The following GPR149 variants were observed in gnomAD, a reference collection of about 807,000 sequenced individuals.
GPR149 encodes the protein G protein-coupled receptor 149, also known as probable G protein-coupled receptor 149.
In GPR149, 50 loss-of-function variants were observed where a neutral mutation model predicts 50.2. The observed-to-expected ratio is 1.00, with a 90% confidence interval of 0.79 to 1.26. The LOEUF (loss-of-function observed/expected upper bound fraction) is 1.26. Among genes scored for constraint, GPR149 ranks in the 50% most tolerant of loss-of-function variants. The pLI, the probability that GPR149 is intolerant of heterozygous loss-of-function variation, is 0.00. For synonymous variants in GPR149, 405 were observed against 358.2 expected (o/e 1.13, Z -1.48); for missense variants, 983 against 895.4 (o/e 1.10, Z -1.25).
At chr3:154,369,276 C>T (rs1714607415) in intron 3 of GPR149, among the ~76,000 whole-genome samples, 1 of 152,198 alleles carries the variant, frequency 6.6e-6, no homozygotes, top group Admixed American at 6.5e-5. Flanking sequence ...TGCCTTGCCA[C>T]AGTATTCCTT....
At chr3:154,411,173 C>T (rs1306181638) in intron 3 of GPR149, among the ~76,000 whole-genome samples, 1 of 152,016 alleles carries the variant, frequency 6.6e-6, no homozygotes, top group Non-Finnish European at 1.5e-5. Context: ...CTATCAAAAC[C>T]TCTGGGATAC....
intron 3 of GPR149, among the ~76,000 whole-genome samples, chr3:154,347,216 C>A (rs1713951040): frequency 6.6e-6 from 1 of 152,152 alleles, no homozygotes; most frequent in South Asian, 2.1e-4. Context: ...GGTTCCCATG[C>A]TGCTAATAAA....
chr3:154,337,599 G>A lies in GPR149; in HGVS notation c.*100C>T, dbSNP rs576214514. On this transcript the variant is annotated 3_prime_UTR_variant, in exon 4 of 4. Coordinates refer to ENST00000389740, the MANE Select transcript of GPR149 (RefSeq NM_001038705.3). ...TAACTATTAAATCAGTAAAACTAATGTAAGCCAACAAATAAAAGGAAATCA... is the reference window on the plus strand; with the variant it reads ...TAACTATTAAATCAGTAAAACTAATATAAGCCAACAAATAAAAGGAAATCA... 2.3e-5 allele frequency: 23 copies of A among 981,870 alleles called. No individual in the cohort carries two copies. In the Admixed American group the frequency reaches 5.2e-4, roughly 22 times the overall value. The allele number at this position is 981,870 out of a possible 1,614,324, so 60.8% of individuals were successfully genotyped here.
intron 3 of GPR149, among the ~76,000 whole-genome samples, chr3:154,340,139 G>A (rs1041990518): frequency 1.3e-5 from 2 of 152,110 alleles, no homozygotes; most frequent in Admixed American, 6.6e-5. Flanking sequence ...TACAGTCTGG[G>A]CTGTGTGAGA....
In GPR149 at chr3:154,428,718, T is replaced by A; in HGVS notation, c.898A>T (p.Arg300Trp). 6.2e-7 allele frequency: 1 copy of A among 1,614,154 alleles called. No homozygotes were observed. Among genetic ancestry groups the A allele is most frequent in the Non-Finnish European group, 8.5e-7 (1 of 1,180,036 alleles). The part of the protein sequence containing the change: ...RENRGTLYGT[R>W]SFTVSVAQKR... The stretch of plus-strand genomic sequence containing the variant: ...TGCGCTACGCTCACGGTGAAGCTCC[T>A]GGTGCCATAGAGAGTCCCCCGGTTC... Residue 300 changes from arginine to tryptophan, a missense_variant, in exon 1 of 4, where the codon AGG becomes TGG. By Grantham distance (101) the Arg-to-Trp change is moderately radical. Coordinates refer to ENST00000389740, the MANE Select transcript of GPR149 (RefSeq NM_001038705.3).
rs560059695 is a variant in GPR149 at position 154,428,688 on chromosome 3, G to T, written c.928C>A (p.Arg310Ser). The T allele has an allele frequency of 1.5e-5, 24 of 1,613,938 alleles. No homozygotes were observed. Among genetic ancestry groups the T allele is most frequent in the Admixed American group, 3.3e-5 (2 of 59,970 alleles). Residue 310 changes from arginine to serine, a missense_variant, in exon 1 of 4, where the codon CGC becomes AGC. By Grantham distance (110) the Arg-to-Ser change is moderately radical. Transcript: ENST00000389740. ...RSFTVSVAQK[R>S]FALILALTKV... ...GTAAGCGCTAGGATCAAAGCGAAGCGCTTCTGCGCTACGCTCACGGTGAAG... is the reference window on the plus strand; with the variant it reads ...GTAAGCGCTAGGATCAAAGCGAAGCTCTTCTGCGCTACGCTCACGGTGAAG...
At chr3:154,412,675 A>G (rs1392340594) in intron 3 of GPR149, among the ~76,000 whole-genome samples, 1 of 152,164 alleles carries the variant, frequency 6.6e-6, no homozygotes, top group Non-Finnish European at 1.5e-5. Flanking sequence ...ATGGAAGCAC[A>G]TCCCATGCTC....
chr3:154,408,765 C>A (rs890811713), intron 3 of GPR149, among the ~76,000 whole-genome samples: 1 of 152,182 alleles, frequency 6.6e-6, no homozygotes, highest in African/African-American at 2.4e-5. Context: ...TAGTCGAAGG[C>A]AAAAGCAATA....
At chr3:154,362,316 A>G (rs1388316454) in intron 3 of GPR149, among the ~76,000 whole-genome samples, 1 of 149,422 alleles carries the variant, frequency 6.7e-6, no homozygotes, top group Non-Finnish European at 1.5e-5. Context: ...AAAATGACAG[A>G]GCTGTGATGT....
rs1414367487 is a variant in GPR149, at chr3:154,337,863, T to C, written c.2032A>G (p.Thr678Ala). 1.9e-6 allele frequency: 3 copies of C among 1,613,592 alleles called. No homozygotes were observed. The highest frequency in any genetic ancestry group is 2.5e-6 in the Non-Finnish European group (3 of 1,179,868). The stretch of plus-strand genomic sequence containing the variant: ...TTAATATCACCATCAGGATTACTGG[T>C]GGGCAAAAAGAGGGAGTATGAGGCT... ...ETASYSLFLPTSNPDGDINIS... is the reference protein window; with the variant it reads ...ETASYSLFLPASNPDGDINIS... The change falls in exon 4 of 4, where the codon ACC becomes GCC. Residue 678 changes from threonine (T) to alanine (A), a missense_variant. Coordinates refer to ENST00000389740, the MANE Select transcript of GPR149 (RefSeq NM_001038705.3).
chr3:154,380,166 CAGAGAGAGAGAGAGAGAG>C (rs57858107), intron 3 of GPR149, among the ~76,000 whole-genome samples: 17 of 133,602 alleles, frequency 1.3e-4, no homozygotes, highest in South Asian at 2.6e-4. Context: ...GTGAGAGAGA[CAGAGAGAGAGAGAGAGAG>C]AGAGAGAGAG....
At position 154,429,080 on chromosome 3, in the gene GPR149, G is replaced by T; in HGVS notation, c.536C>A (p.Pro179His). Residue 179 changes from proline (P) to histidine (H), a missense_variant, in exon 1 of 4, where the codon CCC (proline) becomes CAC (histidine). Physicochemically the swap from Pro to His is moderately conservative, Grantham distance 77 (BLOSUM62 -2). Coordinates refer to ENST00000389740, the MANE Select transcript of GPR149 (RefSeq NM_001038705.3). The part of the protein sequence containing the change: ...LCGWGAFVRT[P>H]WGCLVDCSSS... Reference sequence around the variant, plus strand: ...GGAGCAGTCCACCAGGCAGCCCCAGGGCGTGCGCACGAAGGCGCCCCAGCC... The same window carrying T: ...GGAGCAGTCCACCAGGCAGCCCCAGTGCGTGCGCACGAAGGCGCCCCAGCC... 1 of 1,613,786 alleles carries T rather than the reference G, an allele frequency of 6.2e-7. No individual in the cohort carries two copies. Among genetic ancestry groups the T allele is most frequent in the Non-Finnish European group, 8.5e-7 (1 of 1,179,946 alleles).
intron 3 of GPR149, among the ~76,000 whole-genome samples, chr3:154,418,415 C>A (rs868304992): frequency 9.0e-6 from 1 of 111,022 alleles, no homozygotes; most frequent in African/African-American, 4.0e-5. Flanking sequence ...GGAACCAACC[C>A]AAATGCCCAA....
At chr3:154,411,691 A>T (rs1274643585) in intron 3 of GPR149, among the ~76,000 whole-genome samples, 1 of 152,114 alleles carries the variant, frequency 6.6e-6, no homozygotes, top group Non-Finnish European at 1.5e-5. Flanking sequence ...AAGCAGCAAG[A>T]TTAAAATAGT....
intron 3 of GPR149, chr3:154,354,757 G>C (rs1714176965): frequency 1.4e-6 from 1 of 727,306 alleles, no homozygotes; most frequent in African/African-American, 2.0e-5. Flanking sequence ...CTCCAAGGGT[G>C]TTTTCAGCTC....
intron 3 of GPR149, among the ~76,000 whole-genome samples, chr3:154,360,877 ATAAAG>A (rs1445663375): frequency 1.3e-4 from 20 of 152,318 alleles, no homozygotes; most frequent in African/African-American, 4.1e-4. Flanking sequence ...ATTAAAAACA[ATAAAG>A]TAATTATTCT....
At chr3:154,376,720 A>G (rs780439012) in intron 3 of GPR149, among the ~76,000 whole-genome samples, 1 of 152,144 alleles carries the variant, frequency 6.6e-6, no homozygotes, top group Non-Finnish European at 1.5e-5. Context: ...ATACATGTCT[A>G]TTATAACATG....
chr3:154,338,421 G>A (rs1713708438), intron 3 of GPR149, 150 bp from the exon 4 acceptor site: 2 of 638,586 alleles, frequency 3.1e-6, no homozygotes, highest in East Asian at 5.6e-5. Flanking sequence ...TTTAAATACT[G>A]CCACCAAAGC....
At chr3:154,396,642 T>C (rs1715300085) in intron 3 of GPR149, among the ~76,000 whole-genome samples, 2 of 152,000 alleles carry the variant, frequency 1.3e-5, no homozygotes, top group South Asian at 4.1e-4. Flanking sequence ...TAAAACACAA[T>C]TACAAATAAA....
Sources: allele counts gnomAD v4.1 joint callset (sites outside exome capture counted in the v4.1 genomes callset), GRCh38; gene constraint gnomAD v4.1.1; transcripts MANE v1.5; gene names NCBI Gene and HGNC (gene_info 2026-07-23, HGNC 2026-07-21).